NFIA: variants seen among roughly 807,000 people sequenced by gnomAD.
The protein encoded by NFIA is nuclear factor I A.
NFIA carries 8 observed loss-of-function variants against 62.8 expected under a neutral mutation model. The observed-to-expected ratio is 0.13, with a 90% CI of 0.07 to 0.23. The LOEUF (loss-of-function observed/expected upper bound fraction) is 0.23. Ranked by LOEUF, NFIA falls within the 10% of genes least tolerant of loss-of-function variation. NFIA has a pLI of 1.00. For synonymous variants in NFIA, 235 were observed against 238.1 expected (o/e 0.99, Z 0.12); for missense variants, 410 against 642.1 (o/e 0.64, Z 3.91).
chr1:61,399,091 C>T (rs10489908), intron 7 of NFIA, among the ~76,000 whole-genome samples: 29,353 of 152,080 alleles, frequency 0.19, 3,819 homozygotes, highest in Non-Finnish European at 0.29. Context: ...GCCACCCTTA[C>T]GCTATGGAAG....
chr1:61,106,953 C>CATAT (rs35012316), intron 2 of NFIA, among the ~76,000 whole-genome samples: 2 of 150,238 alleles, frequency 1.3e-5, no homozygotes, highest in Admixed American at 6.7e-5. Flanking sequence ...CATATACATA[C>CATAT]ATATATATAT....
At chr1:61,364,058 G>T (rs1663454849) in intron 6 of NFIA, among the ~76,000 whole-genome samples, 1 of 151,168 alleles carries the variant, frequency 6.6e-6, no homozygotes, top group Admixed American at 6.6e-5. Context: ...TGATTCTCCT[G>T]CCTCAGCCTC....
In NFIA at chr1:61,390,143, G is replaced by A. The variant is rs1283552442; in HGVS notation, c.1075+6778G>A. Among the ~76,000 whole-genome samples, 5 of 152,144 alleles carry A rather than the reference G, an allele frequency of 3.3e-5. No individual in the cohort carries two copies. In the East Asian group the frequency reaches 7.7e-4, roughly 23 times the overall value. Reference sequence around the variant, plus strand: ...GACATCCTTGTGGACAACTACAGTGGCATCTGGCACTACGCAAGTCCAGAC... The same window carrying A: ...GACATCCTTGTGGACAACTACAGTGACATCTGGCACTACGCAAGTCCAGAC... On this transcript the variant is annotated intron_variant, in intron 7 of 10. Coordinates refer to ENST00000403491, the MANE Select transcript of NFIA (RefSeq NM_001134673.4).
chr1:61,341,041 G>T (rs1164322137), intron 4 of NFIA, among the ~76,000 whole-genome samples: 2 of 150,774 alleles, frequency 1.3e-5, no homozygotes, highest in East Asian at 3.9e-4. Context: ...ACCACACCTG[G>T]GTCATCTGTA....
chr1:61,373,055 C>G (rs1663982378), intron 6 of NFIA, among the ~76,000 whole-genome samples: 2 of 152,174 alleles, frequency 1.3e-5, no homozygotes, highest in Non-Finnish European at 2.9e-5. Context: ...CTAGCTTGAA[C>G]TATGAACTAC....
At chr1:61,295,164 T>G (rs1659122437) in intron 3 of NFIA, among the ~76,000 whole-genome samples, 1 of 152,174 alleles carries the variant, frequency 6.6e-6, no homozygotes, top group African/African-American at 2.4e-5. Flanking sequence ...TCAGCTGTCC[T>G]AAGTGCAGCA....
intron 3 of NFIA, among the ~76,000 whole-genome samples, chr1:61,327,554 C>T (rs1661018338): frequency 6.6e-6 from 1 of 152,090 alleles, no homozygotes; most frequent in Non-Finnish European, 1.5e-5. Context: ...AGAATAATGG[C>T]CTCTGGCTCC....
intron 9 of NFIA, among the ~76,000 whole-genome samples, chr1:61,424,949 T>C (rs930769359): frequency 8.5e-5 from 13 of 152,246 alleles, no homozygotes; most frequent in African/African-American, 2.9e-4. Context: ...TAGCATGGGC[T>C]AGAGACAAAA....
At position 61,456,575 on chromosome 1, in the gene NFIA, A is replaced by G. The variant is rs1484148030; in HGVS notation, c.*1255A>G. 2.0e-5 allele frequency: 3 copies of G among 151,594 alleles called. No individual in the cohort carries two copies. Among genetic ancestry groups the G allele is most frequent in the Non-Finnish European group, 2.9e-5 (2 of 67,888 alleles). The allele number at this position is 151,594 out of a possible 1,614,324, so 9.4% of individuals were successfully genotyped here. A position where few individuals can be genotyped will look rare whatever the true frequency, so the allele number is the denominator to read the frequency against. ...TTTTACACCTATCTGGCATCATAGG[A>G]TTTATCAGTTATCAGACACCTCATT... On this transcript the variant is annotated 3_prime_UTR_variant, in exon 11 of 11. Coordinates refer to ENST00000403491, the MANE Select transcript of NFIA (RefSeq NM_001134673.4).
rs559525453 is a variant in NFIA at position 61,184,201 on chromosome 1, G to C, written c.560-93319G>C. Among the ~76,000 whole-genome samples the C allele has an allele frequency of 2.0e-5, 3 of 151,798 alleles. No homozygotes were observed. The South Asian group carries it at 6.2e-4, about 32-fold the overall frequency. On this transcript the variant is annotated intron_variant, in intron 2 of 10. Transcript: ENST00000403491. ...ACTTCAGAGGGGAAACTGAGAATGG[G>C]ACTCGGCTTGCTTCTCCTGGTGTGG...
At chr1:61,077,380 G>A (rs1415954452), upstream of NFIA, 1 of 383,410 alleles carries the variant, frequency 2.6e-6, no homozygotes, top group Non-Finnish European at 4.6e-6. Flanking sequence ...GCGAGCGAGC[G>A]AGAGCGAGAC....
chr1:61,109,343 C>A (rs1337771942), intron 2 of NFIA, among the ~76,000 whole-genome samples: 2 of 151,786 alleles, frequency 1.3e-5, no homozygotes, highest in African/African-American at 2.4e-5. Context: ...AATGGTAGGT[C>A]CCAACTGTCA....
Position 61,348,386 on chromosome 1 carries a change from G to A in NFIA, c.701-4064G>A, listed in dbSNP as rs550992605. 6.6e-5 allele frequency among the ~76,000 whole-genome samples: 10 copies of A among 152,318 alleles called. 1 individual carries two copies. The South Asian group carries it at 1.9e-3, about 28-fold the overall frequency. ...ATTCTCATTTCAGAAACTTAGTGATGTTTTAAAATTCAAGACACACATAAC... is the reference window on the plus strand; with the variant it reads ...ATTCTCATTTCAGAAACTTAGTGATATTTTAAAATTCAAGACACACATAAC... On this transcript the variant is annotated intron_variant, in intron 4 of 10. Coordinates refer to ENST00000403491, the MANE Select transcript of NFIA (RefSeq NM_001134673.4).
intron 2 of NFIA, among the ~76,000 whole-genome samples, chr1:61,214,650 A>T (rs961427843): frequency 2.6e-5 from 4 of 152,164 alleles, no homozygotes; most frequent in African/African-American, 9.7e-5. Context: ...GTGACTTCTG[A>T]ATCTGGATAT....
chr1:61,389,809 T>C (rs1208773191), intron 7 of NFIA, among the ~76,000 whole-genome samples: 1 of 152,170 alleles, frequency 6.6e-6, no homozygotes, highest in African/African-American at 2.4e-5. Context: ...CATAAGTCCT[T>C]GCTACTGGTA....
intron 2 of NFIA, among the ~76,000 whole-genome samples, chr1:61,216,183 C>A (rs333145): frequency 0.068 from 10,329 of 152,216 alleles, 472 homozygotes; most frequent in East Asian, 0.2. Flanking sequence ...GTTCATGGTG[C>A]TGGGTAGTTC....
chr1:61,087,011 G>A (rs974224273), intron 1 of NFIA, among the ~76,000 whole-genome samples: 5 of 152,052 alleles, frequency 3.3e-5, no homozygotes, highest in African/African-American at 1.2e-4. Flanking sequence ...GTAACAGTGT[G>A]GATTAGTTAA....
At chr1:61,419,542 G>C (rs914734246) in intron 9 of NFIA, among the ~76,000 whole-genome samples, 3 of 152,110 alleles carry the variant, frequency 2.0e-5, no homozygotes, top group Admixed American at 2.0e-4. Context: ...TCCAGTTGAA[G>C]GGTTACTCTG....
chr1:61,168,023 A>G (rs781040471), intron 2 of NFIA, among the ~76,000 whole-genome samples: 3 of 152,234 alleles, frequency 2.0e-5, no homozygotes, highest in African/African-American at 7.2e-5. Flanking sequence ...ATAAAGGACC[A>G]TCAGAGGGCT....
Sources: gnomAD v4.1 joint callset for allele counts (sites outside exome capture counted in the v4.1 genomes callset) on GRCh38, gnomAD v4.1.1 for gene constraint, MANE v1.5 for transcripts, NCBI Gene and HGNC (gene_info 2026-07-23, HGNC 2026-07-21) for gene names.